Variants in SUN1 observed in about 807,000 individuals in gnomAD.
SUN1 encodes Sad1 and UNC84 domain containing 1.
SUN1 carries 61 observed loss-of-function variants against 103.2 expected under a neutral mutation model. That is an observed-to-expected ratio of 0.59 (90% confidence interval 0.48 to 0.73). The LOEUF (loss-of-function observed/expected upper bound fraction) is 0.73, where lower values mean the gene tolerates loss of function less well. Ranked by LOEUF, SUN1 falls within the 30% of genes least tolerant of loss-of-function variation. The pLI, the probability that SUN1 is intolerant of heterozygous loss-of-function variation, is 0.00. For synonymous variants in SUN1, 490 were observed against 425.7 expected, an observed-to-expected ratio of 1.15 and a Z score of -1.86; for missense variants, 1,052 against 1,034.6, an observed-to-expected ratio of 1.02 and a Z score of -0.23.
rs192134605 is a variant in SUN1 at position 869,262 on chromosome 7, T to C, written c.1981-87T>C. The C allele has an allele frequency of 5.4e-3, 7,944 of 1,460,366 alleles. 70 individuals carry two copies. Among genetic ancestry groups the C allele is most frequent in the Non-Finnish European group, 4.5e-3 (4,920 of 1,089,708 alleles). The allele number at this position is 1,460,366 out of a possible 1,614,324, so 90.5% of individuals were successfully genotyped here. A position where few individuals can be genotyped will look rare whatever the true frequency, so the allele number is the denominator to read the frequency against. On this transcript the variant is annotated intron_variant, in intron 16 of 18. Coordinates refer to ENST00000401592, the MANE Select transcript of SUN1 (RefSeq NM_001130965.3). ...CTACCATGTAAAACTTATTTTTATC[T>C]CAGTATAATCAGTCTTTCCTCTTCC...
intron 1 of SUN1, chr7:817,530 C>T: frequency 2.6e-6 from 4 of 1,534,648 alleles, no homozygotes; most frequent in Middle Eastern, 1.7e-4. Context: ...TCTCTGCTCT[C>T]GCTTTGCAGC....
In SUN1 at chr7:843,895, C is replaced by A. The variant is rs1812567934; in HGVS notation, c.658+375C>A. On this transcript the variant is annotated intron_variant, in intron 5 of 18. Coordinates refer to ENST00000401592, the MANE Select transcript of SUN1 (RefSeq NM_001130965.3). ...GCTTTGGGACGCTGCTCTGGTCTGTCCTGTGAAGAGTGGTTATGCCAGTGT... is the reference window on the plus strand; with the variant it reads ...GCTTTGGGACGCTGCTCTGGTCTGTACTGTGAAGAGTGGTTATGCCAGTGT... 14 of 1,226,862 alleles carry A rather than the reference C, an allele frequency of 1.1e-5. No homozygotes were observed. The South Asian group carries it at 3.0e-4, about 26-fold the overall frequency. 76.0% of individuals were successfully genotyped at this position (1,226,862 alleles called of 1,614,324 possible).
At chr7:833,503 G>A (rs1045558053) in intron 1 of SUN1, among the ~76,000 whole-genome samples, 3 of 151,920 alleles carry the variant, frequency 2.0e-5, no homozygotes, top group Non-Finnish European at 4.4e-5. Context: ...TAGAGATGGG[G>A]TTTCACCATG....
intron 17 of SUN1, among the ~76,000 whole-genome samples, chr7:872,017 G>A (rs1000962226): frequency 4.6e-5 from 7 of 152,044 alleles, no homozygotes; most frequent in African/African-American, 1.2e-4. Flanking sequence ...AGCTTAGGCC[G>A]GCACTCGCTC....
chr7:852,796 C>T lies in SUN1; in HGVS notation c.911-14C>T, dbSNP rs778188452. The T allele has an allele frequency of 3.7e-6, 6 of 1,610,742 alleles. No homozygotes were observed. The African/African-American group carries it at 6.7e-5, about 18-fold the overall frequency. On this transcript the variant is annotated splice_polypyrimidine_tract_variant and intron_variant, in intron 8 of 18. Transcript: ENST00000401592. ...TGGTGTACCTGTGTGTGTGTGGTGG[C>T]TCTTCTCTTTTAGCAGGTCTCTCCT...
chr7:828,706 G>C (rs996610853), upstream of SUN1, among the ~76,000 whole-genome samples: 9 of 152,220 alleles, frequency 5.9e-5, no homozygotes, highest in Admixed American at 2.0e-4. Flanking sequence ...CAAGATAAAA[G>C]GGAGAGACTT....
At chr7:864,446 C>CG (rs957336260) in intron 15 of SUN1, among the ~76,000 whole-genome samples, 16 of 149,452 alleles carry the variant, frequency 1.1e-4, no homozygotes, top group African/African-American at 4.0e-4. Context: ...CCCAGCTACT[C>CG]GGGAGGCTGA....
chr7:816,065 G>T, upstream of SUN1: 1 of 190,864 alleles, frequency 5.2e-6, no homozygotes, highest in African/African-American at 2.7e-5. Flanking sequence ...CTCTCCCCAA[G>T]ATGCGGACGC....
chr7:817,488 TC>T, intron 1 of SUN1: 3 of 1,536,030 alleles, frequency 2.0e-6, no homozygotes, highest in Non-Finnish European at 2.6e-6. Context: ...TCCCCAGGGC[TC>T]CCCAGGACAG....
intron 14 of SUN1, among the ~76,000 whole-genome samples, chr7:860,833 C>T (rs888423473): frequency 3.3e-5 from 5 of 152,184 alleles, no homozygotes; most frequent in African/African-American, 1.2e-4. Flanking sequence ...TCTTATATGG[C>T]AGCAGACAAG....
At chr7:821,209 G>A (rs60375899) in intron 1 of SUN1, among the ~76,000 whole-genome samples, 15,694 of 118,598 alleles carry the variant, frequency 0.13, 1,056 homozygotes, top group South Asian at 0.27. Context: ...TTGCTCTGTC[G>A]CCCAGGCTGG....
intron 13 of SUN1, 60 bp downstream of exon 13, chr7:858,017 T>C (rs1829087987): frequency 6.7e-7 from 1 of 1,488,660 alleles, no homozygotes; most frequent in African/African-American, 1.4e-5. Context: ...AAACTTGAAT[T>C]GATGACTTAG....
intron 5 of SUN1, among the ~76,000 whole-genome samples, chr7:846,301 G>A (rs1815664810): frequency 6.6e-6 from 1 of 152,100 alleles, no homozygotes; most frequent in South Asian, 2.1e-4. Flanking sequence ...TAGAGACGGG[G>A]TTCCACCATG....
intron 5 of SUN1, chr7:850,005 G>A (rs750036207): frequency 1.4e-5 from 23 of 1,599,168 alleles, no homozygotes; most frequent in Non-Finnish European, 1.9e-5. Context: ...GTCGGGCAGG[G>A]ACCCTCTGGC....
chr7:852,548 C>T (rs1256912093), intron 7 of SUN1, 61 bp from the exon 8 acceptor site: 1 of 1,602,816 alleles, frequency 6.2e-7, no homozygotes, highest in Non-Finnish European at 8.5e-7. Context: ...AGGGGGAAAA[C>T]AGATTGGTGA....
At chr7:866,814 G>A (rs549627817) in intron 16 of SUN1, among the ~76,000 whole-genome samples, 5 of 118,908 alleles carry the variant, frequency 4.2e-5, no homozygotes, top group Non-Finnish European at 8.3e-5. Context: ...TTCAGTCCCC[G>A]TCTCCTGGAC....
chr7:829,549 T>G (rs908971326), upstream of SUN1, among the ~76,000 whole-genome samples: 1 of 43,584 alleles, frequency 2.3e-5, no homozygotes, highest in African/African-American at 8.8e-5. Context: ...AAATAACTGG[T>G]TTTTTTTTTT....
intron 13 of SUN1, among the ~76,000 whole-genome samples, chr7:859,621 C>G (rs1830599200): frequency 6.6e-6 from 1 of 152,172 alleles, no homozygotes; most frequent in Non-Finnish European, 1.5e-5. Flanking sequence ...GGAGGCTTTG[C>G]CCTCTCCTTC....
At chr7:831,100 C>A, upstream of SUN1, 1 of 713,254 alleles carries the variant, frequency 1.4e-6, no homozygotes, top group Non-Finnish European at 1.7e-6. Flanking sequence ...GACAGTTAAA[C>A]AGGTATTAAC....
Sources: gnomAD v4.1 joint callset for allele counts (sites outside exome capture counted in the v4.1 genomes callset) on GRCh38, gnomAD v4.1.1 for gene constraint, MANE v1.5 for transcripts, NCBI Gene and HGNC (gene_info 2026-07-23, HGNC 2026-07-21) for gene names.